Variants in ENOX2 observed in about 807,000 individuals in gnomAD.
The protein encoded by ENOX2 is ecto-NOX disulfide-thiol exchanger 2, also known as APK1 antigen.
A neutral mutation model predicts 45.0 loss-of-function variants in ENOX2; 36 were observed. The observed-to-expected ratio is 0.80, with a 90% CI of 0.61 to 1.06. ENOX2 has a LOEUF of 1.06. Ranked by LOEUF, ENOX2 falls within the 50% of genes least tolerant of loss-of-function variation. The probability of loss-of-function intolerance (pLI) is 0.00; values close to 1 mark genes in which losing one functional copy is unlikely to be tolerated. For missense variants in ENOX2, 423 were observed against 462.5 expected (o/e 0.91, Z 0.78); for synonymous variants, 174 against 152.3 (o/e 1.14, Z -1.05).
Position 130,833,219 on chromosome X carries a change from A to G in ENOX2, c.-182-49529T>C, listed in dbSNP as rs913829045. Among the ~76,000 whole-genome samples the G allele has an allele frequency of 3.1e-4, 35 of 111,594 alleles. 1 individual carries two copies. The highest frequency in any genetic ancestry group is 3.0e-3 in the Admixed American group (31 of 10,490). On this transcript the variant is annotated intron_variant, in intron 2 of 14. Coordinates refer to ENST00000394363, the MANE Select transcript of ENOX2 (RefSeq NM_006375.4). ...CCAAAGTGCACTGGAATCTGGGCAC[A>G]CATGAAATTGCAATTACTTTCCATT...
At chrX:130,839,810 G>A (rs1296665690) in intron 2 of ENOX2, among the ~76,000 whole-genome samples, 1 of 111,706 alleles carries the variant, frequency 9.0e-6, no homozygotes, top group Non-Finnish European at 1.9e-5. Context: ...GAACTATATT[G>A]CCCATGACTT....
intron 2 of ENOX2, among the ~76,000 whole-genome samples, chrX:130,876,744 C>T (rs1603377260): frequency 9.0e-6 from 1 of 111,594 alleles, no homozygotes; most frequent in South Asian, 3.8e-4. Context: ...AGGGTCACCA[C>T]ACTACATAAC....
intron 3 of ENOX2, among the ~76,000 whole-genome samples, chrX:130,764,241 A>G (rs1368523836): frequency 9.0e-6 from 1 of 111,236 alleles, no homozygotes; most frequent in African/African-American, 3.3e-5. Flanking sequence ...TGGGAGGAAT[A>G]GGAAAAAGCA....
intron 9 of ENOX2, among the ~76,000 whole-genome samples, chrX:130,657,832 A>G (rs1056681616): frequency 5.3e-5 from 6 of 112,342 alleles, no homozygotes; most frequent in African/African-American, 1.9e-4. Flanking sequence ...GATATGGCCC[A>G]TTTCCGAAAG....
In ENOX2 at chrX:130,888,301, C is replaced by T. The variant is rs190764732; in HGVS notation, c.-183+13383G>A. On this transcript the variant is annotated intron_variant, in intron 2 of 14. Transcript: ENST00000394363. ...CACTAAACTAAAGCTCATTTTTAGACGGATTTTAAAATTAATCACGAGTAG... is the reference window on the plus strand; with the variant it reads ...CACTAAACTAAAGCTCATTTTTAGATGGATTTTAAAATTAATCACGAGTAG... Among the ~76,000 whole-genome samples the T allele has an allele frequency of 1.2e-4, 14 of 112,019 alleles. No individual in the cohort carries two copies. In the East Asian group the frequency reaches 2.8e-3, roughly 22 times the overall value.
intron 2 of ENOX2, among the ~76,000 whole-genome samples, chrX:130,885,667 G>A (rs776279527): frequency 1.8e-5 from 2 of 112,037 alleles, no homozygotes; most frequent in South Asian, 7.4e-4. Context: ...AGATAATGTC[G>A]TTTTTAAAAT....
At chrX:130,752,239 C>T (rs1399403497) in intron 3 of ENOX2, among the ~76,000 whole-genome samples, 1 of 109,430 alleles carries the variant, frequency 9.1e-6, no homozygotes, top group East Asian at 2.9e-4. Context: ...GCATGTGACT[C>T]CCTCTTTTTC....
chrX:130,783,389 C>T (rs1172638747), intron 3 of ENOX2, among the ~76,000 whole-genome samples, 158 bp downstream of exon 3: 1 of 111,656 alleles, frequency 9.0e-6, no homozygotes, highest in African/African-American at 3.3e-5. Flanking sequence ...CTTTTCCCTC[C>T]TTCAATCCCA....
At chrX:130,767,466 A>G (rs948574542) in intron 3 of ENOX2, among the ~76,000 whole-genome samples, 5 of 111,707 alleles carry the variant, frequency 4.5e-5, no homozygotes, top group African/African-American at 1.6e-4. Flanking sequence ...AAATCCTATG[A>G]AAGTAGGAAA....
chrX:130,894,097 G>A (rs980064823), intron 2 of ENOX2, among the ~76,000 whole-genome samples: 3 of 112,081 alleles, frequency 2.7e-5, no homozygotes, highest in Admixed American at 9.4e-5. Flanking sequence ...GGAAACAATT[G>A]TTCAAAGTGA....
intron 6 of ENOX2, among the ~76,000 whole-genome samples, chrX:130,676,997 C>T (rs1217848290): frequency 2.7e-5 from 3 of 112,195 alleles, no homozygotes; most frequent in African/African-American, 9.7e-5. Flanking sequence ...GCCTCCTCCT[C>T]TCATGTCTAC....
chrX:130,763,017 CA>C lies in ENOX2; in HGVS notation c.-39+20529del, dbSNP rs201268416. 2.9e-3 allele frequency among the ~76,000 whole-genome samples: 322 copies of C among 111,915 alleles called. 1 individual carries two copies. The highest frequency in any genetic ancestry group is 4.6e-3 in the Middle Eastern group (1 of 217). ...ATTTTGCAGTACTTTGGTCCATATG[CA>C]TTTAGAATTGCTATGTGTTCTTGGT... On this transcript the variant is annotated intron_variant, in intron 3 of 14. Coordinates refer to ENST00000394363, the MANE Select transcript of ENOX2 (RefSeq NM_006375.4).
intron 3 of ENOX2, among the ~76,000 whole-genome samples, chrX:130,710,751 G>A (rs374072951): frequency 3.9e-4 from 43 of 111,282 alleles, no homozygotes; most frequent in African/African-American, 1.3e-3. Context: ...TTATGCTATC[G>A]TGCAACTAAG....
intron 2 of ENOX2, among the ~76,000 whole-genome samples, chrX:130,886,584 A>G (rs1287256952): frequency 8.9e-6 from 1 of 112,416 alleles, no homozygotes; most frequent in African/African-American, 3.2e-5. Context: ...CTTTTGATCC[A>G]AGGATATTTT....
At position 130,623,445 on chromosome X, in the gene ENOX2, C is replaced by T. The variant is rs1054405964; in HGVS notation, c.*1869G>A. The T allele has an allele frequency of 2.7e-5, 3 of 110,636 alleles. No homozygotes were observed. The highest frequency in any genetic ancestry group is 5.7e-5 in the Non-Finnish European group (3 of 52,978). 9.1% of individuals were successfully genotyped at this position (110,636 alleles called of 1,213,427 possible). On this transcript the variant is annotated 3_prime_UTR_variant, in exon 15 of 15. Transcript: ENST00000394363. ...GTTTGTTACATAGGTGAACGTGTGC[C>T]ATGGTGGTTTTGCTGCACCTCAACC...
intron 3 of ENOX2, among the ~76,000 whole-genome samples, chrX:130,776,474 G>A (rs1443581473): frequency 9.1e-6 from 1 of 109,710 alleles, no homozygotes; most frequent in Non-Finnish European, 1.9e-5. Context: ...AAAGTGTGGC[G>A]TCTCCCCCTC....
chrX:130,854,000 T>C (rs2078264168), intron 2 of ENOX2, among the ~76,000 whole-genome samples: 1 of 111,563 alleles, frequency 9.0e-6, no homozygotes. Flanking sequence ...AGTCTTATAA[T>C]ACCCAAAATG....
chrX:130,820,313 T>C (rs755926065), intron 2 of ENOX2, among the ~76,000 whole-genome samples: 2 of 112,196 alleles, frequency 1.8e-5, no homozygotes, highest in Non-Finnish European at 3.8e-5. Flanking sequence ...AAAGATAACA[T>C]GTGTTAGTGA....
chrX:130,754,677 G>T (rs748124599), intron 3 of ENOX2, among the ~76,000 whole-genome samples: 1 of 110,679 alleles, frequency 9.0e-6, no homozygotes, highest in Admixed American at 9.6e-5. Context: ...ATAAGTGAGA[G>T]CTAAACATTG....
Sources: gnomAD v4.1 joint callset for allele counts (sites outside exome capture counted in the v4.1 genomes callset) on GRCh38, gnomAD v4.1.1 for gene constraint, MANE v1.5 for transcripts, NCBI Gene and HGNC (gene_info 2026-07-23, HGNC 2026-07-21) for gene names.